The following NPHP3 variants were observed in gnomAD, a reference collection of about 807,000 sequenced individuals.
NPHP3 encodes nephrocystin 3.
A neutral mutation model predicts 171.9 loss-of-function variants in NPHP3; 123 were observed. That is an observed-to-expected ratio of 0.72 (90% confidence interval 0.62 to 0.83). The LOEUF (loss-of-function observed/expected upper bound fraction) is 0.83, where lower values mean the gene tolerates loss of function less well. NPHP3 is among the 40% of genes least tolerant of loss of function. The pLI is 0.00. For synonymous variants in NPHP3, 558 were observed against 579.2 expected (o/e 0.96, Z 0.52); for missense variants, 1,506 against 1,591.9 (o/e 0.95, Z 0.92).
At chr3:132,691,917 CTTA>C (rs1939309640) in intron 17 of NPHP3, among the ~76,000 whole-genome samples, 1 of 152,190 alleles carries the variant, frequency 6.6e-6, no homozygotes, top group Non-Finnish European at 1.5e-5. Context: ...GGCTGACTGG[CTTA>C]CAGAGTCCAA....
intron 25 of NPHP3, 96 bp from the exon 26 acceptor site, chr3:132,682,914 G>T (rs575523103): frequency 3.9e-6 from 3 of 765,546 alleles, no homozygotes; most frequent in Non-Finnish European, 4.7e-6. Flanking sequence ...ACTTTAAAAT[G>T]TTAATATCCT....
At chr3:132,700,538 G>T in intron 10 of NPHP3, 90 bp from the exon 11 acceptor site, 1 of 726,430 alleles carries the variant, frequency 1.4e-6, no homozygotes, top group Non-Finnish European at 2.3e-6. Context: ...AACATCAAAT[G>T]TTGCCTAACT....
At chr3:132,719,644 A>G (rs1033537072) in intron 2 of NPHP3, 61 bp downstream of exon 2, 4 of 1,098,068 alleles carry the variant, frequency 3.6e-6, no homozygotes, top group African/African-American at 3.2e-5. Flanking sequence ...TATTATATAT[A>G]CTTTTAGAAT....
rs368705884 is a variant in NPHP3, at chr3:132,715,069, T to G, written c.957+16A>C. On this transcript the variant is annotated intron_variant, in intron 5 of 26. Transcript: ENST00000337331. ...TATTTTAAATTGGTTGATACAGAAT[T>G]TATAAATATCCTCACCTTAAGGAAA... 5.7e-5 allele frequency: 91 copies of G among 1,603,840 alleles called. No homozygotes were observed. The East Asian group carries it at 1.1e-3, about 19-fold the overall frequency.
chr3:132,697,682 G>A (rs192818650), intron 13 of NPHP3, among the ~76,000 whole-genome samples: 1 of 152,262 alleles, frequency 6.6e-6, no homozygotes, highest in East Asian at 1.9e-4. Flanking sequence ...GTATCTATGA[G>A]GAGTGGCATC....
chr3:132,713,333 G>C (rs747681084), intron 5 of NPHP3, 47 bp from the exon 6 acceptor site: 1 of 1,292,626 alleles, frequency 7.7e-7, no homozygotes, highest in Admixed American at 1.9e-5. Flanking sequence ...TTTAACTAAA[G>C]ATCAAGTGAG....
chr3:132,684,436 G>A (rs1046798958), intron 24 of NPHP3, 118 bp downstream of exon 24: 2 of 967,376 alleles, frequency 2.1e-6, no homozygotes, highest in Admixed American at 3.9e-5. Context: ...GTTAAATCAT[G>A]ATTTTTAAAG....
At chr3:132,702,190 T>C (rs773910787) in intron 9 of NPHP3, among the ~76,000 whole-genome samples, 4 of 152,042 alleles carry the variant, frequency 2.6e-5, no homozygotes, top group Non-Finnish European at 5.9e-5. Flanking sequence ...AGCCCCCAAA[T>C]CACAGAAAAT....
intron 4 of NPHP3, among the ~76,000 whole-genome samples, chr3:132,716,432 G>C (rs1940052953): frequency 6.6e-6 from 1 of 152,200 alleles, no homozygotes; most frequent in African/African-American, 2.4e-5. Flanking sequence ...CAAAGAAGCA[G>C]AGGGAAAGAT....
chr3:132,717,171 CATA>C (rs924564494), intron 3 of NPHP3: 7 of 400,922 alleles, frequency 1.7e-5, no homozygotes, highest in Non-Finnish European at 2.7e-5. Flanking sequence ...AAAAAGAAAT[CATA>C]ATAAGAAGGA....
At chr3:132,717,230 C>A in intron 3 of NPHP3, 2 of 313,160 alleles carry the variant, frequency 6.4e-6, no homozygotes, top group Non-Finnish European at 1.2e-5. Flanking sequence ...ACATTTCCAA[C>A]TGTACAGCTT....
intron 10 of NPHP3, among the ~76,000 whole-genome samples, chr3:132,700,814 G>T (rs1314688306): frequency 1.3e-5 from 2 of 151,824 alleles, no homozygotes; most frequent in Non-Finnish European, 1.5e-5. Context: ...AAATAAAAGG[G>T]TAATAAAAAG....
intron 7 of NPHP3, 79 bp downstream of exon 7, chr3:132,708,022 G>T: frequency 7.2e-7 from 1 of 1,386,012 alleles, no homozygotes; most frequent in Non-Finnish European, 1.0e-6. Flanking sequence ...GATATGCCAG[G>T]CTTATGCCCA....
At chr3:132,719,916 A>G in intron 1 of NPHP3, 86 bp from the exon 2 acceptor site, 1 of 504,616 alleles carries the variant, frequency 2.0e-6, no homozygotes, top group Non-Finnish European at 2.9e-6. Flanking sequence ...ATATATATAT[A>G]TATGTTACGT....
At chr3:132,704,517 C>T in intron 8 of NPHP3, 146 bp from the exon 9 acceptor site, 1 of 641,152 alleles carries the variant, frequency 1.6e-6, no homozygotes, top group South Asian at 2.0e-5. Context: ...CAAGAATAAA[C>T]TGATAACTAC....
At chr3:132,692,887 T>A (rs1939336309) in intron 16 of NPHP3, 69 bp from the exon 17 acceptor site, 1 of 1,285,702 alleles carries the variant, frequency 7.8e-7, no homozygotes, top group South Asian at 1.2e-5. Flanking sequence ...CATTAAAAGT[T>A]CCATAATTCT....
rs944211888 is a variant in NPHP3 at position 132,700,463 on chromosome 3, C to T, written c.1629-15G>A. 2 of 1,503,396 alleles carry T rather than the reference C, an allele frequency of 1.3e-6. No homozygotes were observed. Among genetic ancestry groups the T allele is most frequent in the African/African-American group, 2.8e-5 (2 of 72,292 alleles). The allele number at this position is 1,503,396 out of a possible 1,614,324, so 93.1% of individuals were successfully genotyped here. ...GTAATTGAATCCTGAAAGAAAAAGA[C>T]AGAACTTTTATAAAACCGATAAAGT... On this transcript the variant is annotated splice_polypyrimidine_tract_variant and intron_variant, in intron 10 of 26. Coordinates refer to ENST00000337331, the MANE Select transcript of NPHP3 (RefSeq NM_153240.5).
chr3:132,714,113 T>C (rs1209352318), intron 5 of NPHP3, among the ~76,000 whole-genome samples: 3 of 152,254 alleles, frequency 2.0e-5, no homozygotes, highest in South Asian at 4.1e-4. Context: ...TACTCTGCCA[T>C]TGAATTGGTG....
chr3:132,698,720 A>G (rs764704427), intron 13 of NPHP3, among the ~76,000 whole-genome samples: 5 of 152,154 alleles, frequency 3.3e-5, no homozygotes, highest in Non-Finnish European at 1.5e-5. Flanking sequence ...GAGCTACTCA[A>G]ACTAACCATG....
Sources: allele counts gnomAD v4.1 joint callset (sites outside exome capture counted in the v4.1 genomes callset), GRCh38; gene constraint gnomAD v4.1.1; transcripts MANE v1.5; gene names NCBI Gene and HGNC (gene_info 2026-07-23, HGNC 2026-07-21).